The following SIPA1 variants were observed in gnomAD, a reference collection of about 807,000 sequenced individuals.
SIPA1 encodes the protein signal-induced proliferation-associated 1, also known as signal-induced proliferation-associated protein 1.
A neutral mutation model predicts 88.1 loss-of-function variants in SIPA1; 51 were observed. The ratio of observed to expected loss-of-function variants is 0.58; its 90% confidence interval spans 0.46 to 0.73. SIPA1 has a LOEUF of 0.73. Among genes scored for constraint, SIPA1 ranks in the 30% least tolerant of loss-of-function variants. SIPA1 has a pLI of 0.00. For missense variants in SIPA1, 1,348 were observed against 1,467.6 expected (o/e 0.92, Z 1.33); for synonymous variants, 681 against 664.8 (o/e 1.02, Z -0.37).
In SIPA1 at chr11:65,642,754, A is replaced by G. The variant is rs1856033516; in HGVS notation, c.984+115A>G. 3 of 1,027,704 alleles carry G rather than the reference A, an allele frequency of 2.9e-6. No individual in the cohort carries two copies. The highest frequency in any genetic ancestry group is 4.1e-6 in the Non-Finnish European group (3 of 739,208). 63.7% of individuals were successfully genotyped at this position (1,027,704 alleles called of 1,614,324 possible). On this transcript the variant is annotated intron_variant, in intron 4 of 15. Coordinates refer to ENST00000534313, the MANE Select transcript of SIPA1 (RefSeq NM_006747.4). The surrounding 1 kb of genome is among the most constrained non-coding windows in gnomAD (Gnocchi z 6.5). Reference sequence around the variant, plus strand: ...TGATCCTGGGCTGGGTGGTGACCCCAGAAGAGCTGGCTTTTCAGAGACAGG... The same window carrying G: ...TGATCCTGGGCTGGGTGGTGACCCCGGAAGAGCTGGCTTTTCAGAGACAGG...
chr11:65,647,324 G>A, intron 8 of SIPA1, 60 bp from the exon 9 acceptor site: 1 of 1,367,014 alleles, frequency 7.3e-7, no homozygotes, highest in Non-Finnish European at 9.4e-7. Context: ...TCCAGGGGGC[G>A]GGCGCTGGGG....
Position 65,650,385 on chromosome 11 carries a change from A to G in SIPA1, c.2904-16A>G, listed in dbSNP as rs1317362200. On this transcript the variant is annotated splice_polypyrimidine_tract_variant and intron_variant, in intron 14 of 15. Transcript: ENST00000534313. ...CCTGCCTTGGTCCTGCTGAGTCTTG[A>G]CCCCCATGTCTTCAGGCCAGAGCCT... The G allele has an allele frequency of 6.2e-7, 1 of 1,612,906 alleles. No individual in the cohort carries two copies. The highest frequency in any genetic ancestry group is 1.1e-5 in the South Asian group (1 of 91,018).
At chr11:65,649,195 G>T in intron 9 of SIPA1, 67 bp from the exon 10 acceptor site, 1 of 1,163,586 alleles carries the variant, frequency 8.6e-7, no homozygotes, top group Non-Finnish European at 1.2e-6. Flanking sequence ...GCGGGCTGGG[G>T]GTGGGGCTAG....
Position 65,642,734 on chromosome 11 carries a change from C to A in SIPA1, c.984+95C>A. On this transcript the variant is annotated intron_variant, in intron 4 of 15. Transcript: ENST00000534313. The surrounding 1 kb of genome is among the most constrained non-coding windows in gnomAD (Gnocchi z 6.5). Reference sequence around the variant, plus strand: ...CAAACCCCTAGCCTTGACCCTGATCCTGGGCTGGGTGGTGACCCCAGAAGA... The same window carrying A: ...CAAACCCCTAGCCTTGACCCTGATCATGGGCTGGGTGGTGACCCCAGAAGA... 8.1e-7 allele frequency: 1 copy of A among 1,232,806 alleles called. No homozygotes were observed. Among genetic ancestry groups the A allele is most frequent in the Non-Finnish European group, 1.1e-6 (1 of 920,834 alleles). The allele number at this position is 1,232,806 out of a possible 1,614,324, so 76.4% of individuals were successfully genotyped here.
Position 65,642,638 on chromosome 11 carries a change from T to A in SIPA1, c.983T>A (p.Val328Glu). 1 of 1,552,346 alleles carries A rather than the reference T, an allele frequency of 6.4e-7. No individual in the cohort carries two copies. The highest frequency in any genetic ancestry group is 8.7e-7 in the Non-Finnish European group (1 of 1,151,446). ...PRTLLTLDEQVLSFQRKVGIL... is the reference protein window; with the variant it reads ...PRTLLTLDEQELSFQRKVGIL... Reference sequence around the variant, plus strand: ...ACGCTGCTCACACTGGATGAGCAAGTGGTGAGTGGCGGGCCGCGGAGCCCC... The same window carrying A: ...ACGCTGCTCACACTGGATGAGCAAGAGGTGAGTGGCGGGCCGCGGAGCCCC... The change falls in exon 4 of 16, where the codon GTG becomes GAG. Residue 328 changes from valine to glutamate, a missense_variant and splice_region_variant. Physicochemically the swap from Val to Glu is moderately radical, Grantham distance 121. This residue lies in a region of SIPA1 where 641 missense variants were observed against 797.7 expected (regional missense o/e 0.80). Transcript: ENST00000534313. The surrounding 1 kb of genome is among the most constrained non-coding windows in gnomAD (Gnocchi z 6.5).
chr11:65,648,108 G>A lies in SIPA1; in HGVS notation c.2306+450G>A, dbSNP rs182709626. On this transcript the variant is annotated intron_variant, in intron 9 of 15. Transcript: ENST00000534313. ...GGCTGGTCTCGAACTCCTGACCTCA[G>A]GTGATCCACCTGCCTCGCCCTCCCA... 2.9e-4 allele frequency among the ~76,000 whole-genome samples: 44 copies of A among 152,110 alleles called. 1 individual carries two copies. The highest frequency in any genetic ancestry group is 1.0e-3 in the African/African-American group (42 of 41,500).
At chr11:65,647,928 A>G (rs1346870699) in intron 9 of SIPA1, among the ~76,000 whole-genome samples, 1 of 149,926 alleles carries the variant, frequency 6.7e-6, no homozygotes, top group Non-Finnish European at 1.5e-5. Flanking sequence ...CTGGAGTGCA[A>G]TGGCGTGATT....
At chr11:65,647,207 G>A in intron 8 of SIPA1, 142 bp downstream of exon 8, 11 of 1,401,826 alleles carry the variant, frequency 7.8e-6, no homozygotes, top group Non-Finnish European at 9.3e-6. Flanking sequence ...GCTTGGCAAG[G>A]CCGGAACTGG....
chr11:65,646,785 G>T lies in SIPA1; in HGVS notation c.1751G>T (p.Gly584Val). The part of the protein sequence containing the change: ...ELQAAGSLVW[G>V]VRAAPGARVA... ...CAGGCAGCGGGCTCACTGGTGTGGG[G>T]AGTGCGCGCGGCGCCCGGGGCGCGG... Residue 584 changes from glycine (G) to valine (V), a missense_variant, in exon 8 of 16, where the codon GGA becomes GTA. Around this residue, in one of 4 missense-constraint regions of SIPA1, gnomAD observed 68 missense variants for 59.0 expected, o/e 1.15. Transcript: ENST00000534313. The surrounding 1 kb of genome is among the most constrained non-coding windows in gnomAD (Gnocchi z 7.5). 6 of 1,374,276 alleles carry T rather than the reference G, an allele frequency of 4.4e-6. No homozygotes were observed. The highest frequency in any genetic ancestry group is 5.6e-6 in the Non-Finnish European group (6 of 1,069,868). 85.1% of individuals were successfully genotyped at this position (1,374,276 alleles called of 1,614,324 possible). A position where few individuals can be genotyped will look rare whatever the true frequency, so the allele number is the denominator to read the frequency against.
intron 2 of SIPA1, among the ~76,000 whole-genome samples, chr11:65,641,924 C>T (rs569455511): frequency 1.2e-3 from 182 of 152,340 alleles, no homozygotes; most frequent in African/African-American, 4.3e-3. Context: ...CAAATCCCTG[C>T]ATCCGTGAAC....
In SIPA1 at chr11:65,641,003, C is replaced by T; in HGVS notation, c.82C>T (p.Leu28=). Residue 28 remains leucine (L), a synonymous_variant, in exon 2 of 16, where the codon CTG becomes TTG. Transcript: ENST00000534313. ...CACAGATGACCTCTTTGCCCGCAAGCTGCGCCAGCCAGCAAGGCCCCCGCT... is the reference window on the plus strand; with the variant it reads ...CACAGATGACCTCTTTGCCCGCAAGTTGCGCCAGCCAGCAAGGCCCCCGCT... ...ASTDDLFARK[L]RQPARPPLTP... 3 of 1,587,294 alleles carry T rather than the reference C, an allele frequency of 1.9e-6. No individual in the cohort carries two copies. Among genetic ancestry groups the T allele is most frequent in the Non-Finnish European group, 2.6e-6 (3 of 1,172,842 alleles).
At position 65,650,084 on chromosome 11, in the gene SIPA1, G is replaced by A. The variant is rs991746175; in HGVS notation, c.2848+33G>A. Reference sequence around the variant, plus strand: ...CACCAGGGTGCTGCGGTAAGCCTGGGCAGTGCTCTTGCCCCCTTTCTGACC... The same window carrying A: ...CACCAGGGTGCTGCGGTAAGCCTGGACAGTGCTCTTGCCCCCTTTCTGACC... On this transcript the variant is annotated intron_variant, in intron 13 of 15. Transcript: ENST00000534313. 3 of 1,612,594 alleles carry A rather than the reference G, an allele frequency of 1.9e-6. No individual in the cohort carries two copies. The African/African-American group carries it at 4.0e-5, about 22-fold the overall frequency.
intron 4 of SIPA1, among the ~76,000 whole-genome samples, chr11:65,643,617 T>C (rs969138709): frequency 6.6e-6 from 1 of 152,012 alleles, no homozygotes; most frequent in Non-Finnish European, 1.5e-5. Context: ...AAAGGGAATG[T>C]TGAGGGCTGC....
Position 65,642,138 on chromosome 11 carries a change from A to C in SIPA1, c.680-112A>C. On this transcript the variant is annotated intron_variant, in intron 2 of 15. Coordinates refer to ENST00000534313, the MANE Select transcript of SIPA1 (RefSeq NM_006747.4). The surrounding 1 kb of genome is among the most constrained non-coding windows in gnomAD (Gnocchi z 6.5). ...AGGGGCGGGACTTAGTCTAGGGTCA[A>C]CATTTGGTGGTGAGATGAAGCCTAG... The C allele has an allele frequency of 7.1e-7, 1 of 1,413,796 alleles. No individual in the cohort carries two copies. The highest frequency in any genetic ancestry group is 2.6e-5 in the Admixed American group (1 of 38,302). The allele number at this position is 1,413,796 out of a possible 1,614,324, so 87.6% of individuals were successfully genotyped here. A position where few individuals can be genotyped will look rare whatever the true frequency, so the allele number is the denominator to read the frequency against.
Position 65,642,323 on chromosome 11 carries a change from G to T in SIPA1, c.753G>T (p.Glu251Asp). The T allele has an allele frequency of 6.5e-7, 1 of 1,549,808 alleles. No homozygotes were observed. Among genetic ancestry groups the T allele is most frequent in the African/African-American group, 1.4e-5 (1 of 72,988 alleles). Residue 251 changes from glutamate (E) to aspartate (D), a missense_variant, in exon 3 of 16, where the codon GAG becomes GAT. Glu to Asp is a conservative substitution (Grantham distance 45). Around this residue, in one of 4 missense-constraint regions of SIPA1, gnomAD observed 641 missense variants for 797.7 expected, o/e 0.80. Transcript: ENST00000534313. The surrounding 1 kb of genome is among the most constrained non-coding windows in gnomAD (Gnocchi z 6.5). ...VAVSLRREEK[E>D]GSGGGTLHSY... ...TGAGCCTGCGGCGGGAGGAGAAGGAGGGCAGCGGAGGGGGCACCCTGCACA... is the reference window on the plus strand; with the variant it reads ...TGAGCCTGCGGCGGGAGGAGAAGGATGGCAGCGGAGGGGGCACCCTGCACA...
chr11:65,649,848 G>A lies in SIPA1; in HGVS notation c.2729G>A (p.Arg910Gln), dbSNP rs749147498. 17 of 1,613,908 alleles carry A rather than the reference G, an allele frequency of 1.1e-5. No homozygotes were observed. Among genetic ancestry groups the A allele is most frequent in the South Asian group, 3.3e-5 (3 of 91,088 alleles). The change falls in exon 12 of 16, where the codon CGG becomes CAG. Residue 910 changes from arginine to glutamine, a missense_variant. Physicochemically the swap from Arg to Gln is conservative, Grantham distance 43. Transcript: ENST00000534313. ...ASFLPRTLSL[R>Q]NSISRIMSEA... The stretch of plus-strand genomic sequence containing the variant: ...TTTCTGCCACGTACCTTGTCTCTGC[G>A]GAACTCCATCAGCAGGAGTGAGTCT...
rs1287966185 is a variant in SIPA1 at position 65,650,839 on chromosome 11, GA to G, written c.*126del. On this transcript the variant is annotated 3_prime_UTR_variant, in exon 16 of 16. Transcript: ENST00000534313. ...CTCCCTAGCCCCTTATTTGGTGGCG[GA>G]AGTGGCCTCCACCCCTTCCCTGTTT... is the stretch of plus-strand genomic sequence containing the variant. 127 of 1,111,450 alleles carry G rather than the reference GA, an allele frequency of 1.1e-4. No individual in the cohort carries two copies. The highest frequency in any genetic ancestry group is 1.5e-4 in the Non-Finnish European group (125 of 807,966). 68.8% of individuals were successfully genotyped at this position (1,111,450 alleles called of 1,614,324 possible). A position where few individuals can be genotyped will look rare whatever the true frequency, so the allele number is the denominator to read the frequency against.
rs1181049907 is a variant in SIPA1, at chr11:65,642,193, C to CG, written c.680-52dup. 5.2e-6 allele frequency: 8 copies of CG among 1,531,938 alleles called. No individual in the cohort carries two copies. The highest frequency in any genetic ancestry group is 7.0e-6 in the Non-Finnish European group (8 of 1,141,664). The allele number at this position is 1,531,938 out of a possible 1,614,324, so 94.9% of individuals were successfully genotyped here. On this transcript the variant is annotated intron_variant, in intron 2 of 15. Coordinates refer to ENST00000534313, the MANE Select transcript of SIPA1 (RefSeq NM_006747.4). This position sits in a 1 kb window ranked among gnomAD's most constrained non-coding sequence, Gnocchi z 6.5. The stretch of plus-strand genomic sequence containing the variant: ...GGGCTTAGTGATGCGCGTGGTCGAG[C>CG]GGGGGCGGGGCTGCCAGAGGGCGGG...
rs1856034887 is a variant in SIPA1, at chr11:65,642,829, C to T, written c.984+190C>T. On this transcript the variant is annotated intron_variant, in intron 4 of 15. Coordinates refer to ENST00000534313, the MANE Select transcript of SIPA1 (RefSeq NM_006747.4). The surrounding 1 kb of genome is among the most constrained non-coding windows in gnomAD (Gnocchi z 6.5). ...GCGTCTCAAAGTGAGCTCTGTAGAC[C>T]AGCAGTATCCACATCATGTAGAAAT... 6.6e-6 allele frequency among the ~76,000 whole-genome samples: 1 copy of T among 152,218 alleles called. No homozygotes were observed. Among genetic ancestry groups the T allele is most frequent in the African/African-American group, 2.4e-5 (1 of 41,464 alleles).
Sources: allele counts gnomAD v4.1 joint callset (sites outside exome capture counted in the v4.1 genomes callset), GRCh38; gene constraint gnomAD v4.1.1; regional missense constraint gnomAD v4.1.1; non-coding constraint Gnocchi (gnomAD v3.1); transcripts MANE v1.5; gene names NCBI Gene and HGNC (gene_info 2026-07-23, HGNC 2026-07-21).